CYFIP2: variants seen among roughly 807,000 people sequenced by gnomAD.
CYFIP2 encodes cytoplasmic FMR1-interacting protein 2.
Under a neutral mutation model 158.7 loss-of-function variants are expected in CYFIP2, and 29 were observed. The ratio of observed to expected loss-of-function variants is 0.18; its 90% CI spans 0.14 to 0.25. The LOEUF (loss-of-function observed/expected upper bound fraction) is 0.25, where lower values mean the gene tolerates loss of function less well. Among genes scored for constraint, CYFIP2 ranks in the 10% least tolerant of loss-of-function variants. CYFIP2 has a pLI of 1.00. For missense variants in CYFIP2, 852 were observed against 1,639.5 expected (o/e 0.52, Z 8.29); for synonymous variants, 585 against 617.6 (o/e 0.95, Z 0.78).
intron 23 of CYFIP2, among the ~76,000 whole-genome samples, chr5:157,355,251 C>A (rs952099080): frequency 1.3e-5 from 2 of 152,166 alleles, no homozygotes; most frequent in African/African-American, 4.8e-5. Flanking sequence ...AATTACCCCC[C>A]ACATATGCAC....
At chr5:157,280,952 T>TACAA (rs1756945845) in intron 1 of CYFIP2, among the ~76,000 whole-genome samples, 2 of 152,228 alleles carry the variant, frequency 1.3e-5, no homozygotes, top group African/African-American at 4.8e-5. Flanking sequence ...TTTATTTGTA[T>TACAA]GGTGGTTTGT....
At chr5:157,290,386 A>T (rs1757722502) in intron 3 of CYFIP2, among the ~76,000 whole-genome samples, 3 of 152,182 alleles carry the variant, frequency 2.0e-5, no homozygotes, top group Non-Finnish European at 2.9e-5. Flanking sequence ...GCCAGCAGTG[A>T]CATCACTCTG....
rs774593356 is a variant in CYFIP2, at chr5:157,296,678, A to G, written c.291A>G (p.Lys97=). The part of the protein sequence containing the change: ...RSCSRAIPQV[K]CNEQPNRVEI... ...GTCCCCATTATCCCCCACAGGTGAAATGCAACGAGCAGCCCAACCGAGTAG... is the reference window on the plus strand; with the variant it reads ...GTCCCCATTATCCCCCACAGGTGAAGTGCAACGAGCAGCCCAACCGAGTAG... Residue 97 remains lysine (K), a synonymous_variant, in exon 5 of 31, where the codon AAA becomes AAG. Coordinates refer to ENST00000620254, the MANE Select transcript of CYFIP2 (RefSeq NM_001037333.3). The G allele has an allele frequency of 6.2e-7, 1 of 1,613,590 alleles. No individual in the cohort carries two copies. Among genetic ancestry groups the G allele is most frequent in the Admixed American group, 1.7e-5 (1 of 59,994 alleles).
chr5:157,386,199 G>C (rs1766669309), intron 28 of CYFIP2, among the ~76,000 whole-genome samples: 2 of 152,052 alleles, frequency 1.3e-5, no homozygotes, highest in Admixed American at 1.3e-4. Context: ...AGTTGATGAA[G>C]ACTATTTCTG....
intron 22 of CYFIP2, 67 bp from the exon 23 acceptor site, chr5:157,341,003 A>G: frequency 6.8e-7 from 1 of 1,469,226 alleles, no homozygotes; most frequent in East Asian, 2.3e-5. Context: ...CACTCCTGTT[A>G]TCTGTGTCCC....
chr5:157,386,641 T>C (rs1766721543), intron 28 of CYFIP2, among the ~76,000 whole-genome samples: 1 of 152,202 alleles, frequency 6.6e-6, no homozygotes, highest in African/African-American at 2.4e-5. Flanking sequence ...GATGGTGGGC[T>C]GGGCATGGTG....
At chr5:157,380,146 G>T (rs934883408) in intron 26 of CYFIP2, 6 of 152,094 alleles carry the variant, frequency 3.9e-5, no homozygotes, top group Admixed American at 3.9e-4. Flanking sequence ...TGGAGTGCAG[G>T]GTCTGCAAAA....
intron 1 of CYFIP2, among the ~76,000 whole-genome samples, chr5:157,278,861 C>T (rs1251040618): frequency 6.6e-6 from 1 of 152,250 alleles, no homozygotes; most frequent in Non-Finnish European, 1.5e-5. Flanking sequence ...CTAAATGCCA[C>T]TCTCTACCTG....
At chr5:157,298,358 GTC>G (rs1403749253) in intron 5 of CYFIP2, among the ~76,000 whole-genome samples, 2 of 152,120 alleles carry the variant, frequency 1.3e-5, no homozygotes, top group Admixed American at 6.5e-5. Context: ...TTGAGACAGA[GTC>G]TCTCTCTGTC....
At chr5:157,349,677 T>C (rs1181353064) in intron 23 of CYFIP2, among the ~76,000 whole-genome samples, 1 of 152,242 alleles carries the variant, frequency 6.6e-6, no homozygotes, top group Non-Finnish European at 1.5e-5. Context: ...TTTTAGTTCT[T>C]AAAGGAATTT....
At chr5:157,283,309 A>G (rs1038948472) in intron 1 of CYFIP2, among the ~76,000 whole-genome samples, 2 of 152,256 alleles carry the variant, frequency 1.3e-5, no homozygotes, top group Non-Finnish European at 2.9e-5. Context: ...ATGTTTCACT[A>G]TTATTATAAT....
chr5:157,364,990 T>G (rs569704544), intron 26 of CYFIP2: 2 of 152,282 alleles, frequency 1.3e-5, no homozygotes, highest in Non-Finnish European at 2.9e-5. Flanking sequence ...AGATACAATA[T>G]TGAGCTTTAA....
At chr5:157,310,876 C>T (rs1314807155) in intron 10 of CYFIP2, among the ~76,000 whole-genome samples, 1 of 152,184 alleles carries the variant, frequency 6.6e-6, no homozygotes, top group African/African-American at 2.4e-5. Context: ...TTGTCTGGTG[C>T]TCATGCTTCA....
In CYFIP2 at chr5:157,389,271, C is replaced by A. The variant is rs1176749642; in HGVS notation, c.3290C>A (p.Thr1097Asn). 1 of 1,614,072 alleles carries A rather than the reference C, an allele frequency of 6.2e-7. No homozygotes were observed. Among genetic ancestry groups the A allele is most frequent in the South Asian group, 1.1e-5 (1 of 91,088 alleles). Residue 1097 changes from threonine to asparagine, a missense_variant, in exon 29 of 31, where the codon ACC becomes AAC. Coordinates refer to ENST00000620254, the MANE Select transcript of CYFIP2 (RefSeq NM_001037333.3). ...CTGTCCATGTTCGAGGTCATCCTGA[C>A]CCGCATTCGGAGCTACCTGCAGGAC... ...CGLSMFEVIL[T>N]RIRSYLQDPI...
chr5:157,332,552 A>G (rs965419239), intron 20 of CYFIP2, among the ~76,000 whole-genome samples: 3 of 152,242 alleles, frequency 2.0e-5, no homozygotes, highest in Non-Finnish European at 4.4e-5. Flanking sequence ...TACTTTCTAA[A>G]TACAGTTCCC....
rs777447893 is a variant in CYFIP2 at position 157,382,543 on chromosome 5, G to A, written c.3040-47G>A. On this transcript the variant is annotated intron_variant, in intron 26 of 30. Transcript: ENST00000620254. ...TTTTTAGGAATGAAAAATCTTCCTG[G>A]TTTAAAATGAAAATTGTTTTCTCTT... 1.9e-5 allele frequency: 31 copies of A among 1,603,226 alleles called. 2 individuals carry two copies. The South Asian group carries it at 3.0e-4, about 16-fold the overall frequency.
rs1481730814 is a variant in CYFIP2, at chr5:157,299,089, G to GT, written c.388-1626_388-1625insT. On this transcript the variant is annotated intron_variant, in intron 5 of 30. Transcript: ENST00000620254. ...TCTCTCAAGTAGAGACCTAGGAGTG[G>GT]AATTGTTGGGTCAGATGGTAACCCC... Among the ~76,000 whole-genome samples the GT allele has an allele frequency of 2.6e-5, 4 of 152,144 alleles. No homozygotes were observed. In the East Asian group the frequency reaches 7.7e-4, roughly 29 times the overall value.
chr5:157,380,852 TTAGACA>T (rs1765983558), intron 26 of CYFIP2, among the ~76,000 whole-genome samples: 1 of 152,152 alleles, frequency 6.6e-6, no homozygotes, highest in South Asian at 2.1e-4. Flanking sequence ...GGATCTAAGC[TTAGACA>T]TAGCAATGAA....
At chr5:157,377,671 C>G (rs376271422) in intron 26 of CYFIP2, among the ~76,000 whole-genome samples, 13 of 152,222 alleles carry the variant, frequency 8.5e-5, no homozygotes, top group African/African-American at 3.1e-4. Flanking sequence ...GAATGACAAT[C>G]TCTGGCTCAG....
Sources: allele counts gnomAD v4.1 joint callset (sites outside exome capture counted in the v4.1 genomes callset), GRCh38; gene constraint gnomAD v4.1.1; transcripts MANE v1.5; gene names NCBI Gene and HGNC (gene_info 2026-07-23, HGNC 2026-07-21).